YTHDC2: variants seen among roughly 807,000 people sequenced by gnomAD.
YTHDC2 encodes the protein YTH N6-methyladenosine RNA binding protein C2.
A neutral mutation model predicts 174.9 loss-of-function variants in YTHDC2; 45 were observed. The observed-to-expected ratio is 0.26, with a 90% CI of 0.20 to 0.33. The LOEUF (loss-of-function observed/expected upper bound fraction) is 0.33. YTHDC2 is among the 10% of genes least tolerant of loss of function. The probability of loss-of-function intolerance (pLI) is 1.00; values close to 1 mark genes in which losing one functional copy is unlikely to be tolerated. For missense variants in YTHDC2, 1,650 were observed against 1,723.7 expected, an observed-to-expected ratio of 0.96 and a Z score of 0.76; for synonymous variants, 657 against 574.5, an observed-to-expected ratio of 1.14 and a Z score of -2.05.
At chr5:113,553,035 A>C (rs1776353816) in intron 12 of YTHDC2, 146 bp from the exon 13 acceptor site, 1 of 822,420 alleles carries the variant, frequency 1.2e-6, no homozygotes. Flanking sequence ...AATGTGCTTG[A>C]AATCAAAACA....
chr5:113,589,409 A>AATATATC (rs1561713980), intron 26 of YTHDC2, among the ~76,000 whole-genome samples: 1 of 89,120 alleles, frequency 1.1e-5, no homozygotes, highest in Non-Finnish European at 2.3e-5. Context: ...AAAAAAAAAA[A>AATATATC]TATATATATA....
intron 8 of YTHDC2, among the ~76,000 whole-genome samples, chr5:113,540,534 G>T (rs574903320): frequency 6.6e-6 from 1 of 152,128 alleles, no homozygotes; most frequent in Non-Finnish European, 1.5e-5. Flanking sequence ...GAAGGCAAAG[G>T]GGAAGCAAGG....
chr5:113,549,702 G>C (rs141111467), intron 12 of YTHDC2, among the ~76,000 whole-genome samples: 331 of 152,104 alleles, frequency 2.2e-3, no homozygotes, highest in Non-Finnish European at 3.0e-3. Context: ...CCCACGCAAT[G>C]TCCATCCTCT....
At chr5:113,525,421 T>A (rs571326778) in intron 3 of YTHDC2, among the ~76,000 whole-genome samples, 1 of 152,204 alleles carries the variant, frequency 6.6e-6, no homozygotes, top group Non-Finnish European at 1.5e-5. Context: ...TTACTGAGCA[T>A]TAACTGTGTA....
chr5:113,558,001 A>G (rs1291765494), intron 17 of YTHDC2, among the ~76,000 whole-genome samples: 1 of 152,206 alleles, frequency 6.6e-6, no homozygotes, highest in East Asian at 1.9e-4. Context: ...CAGTAAATTA[A>G]GCAATTTTAA....
At chr5:113,563,761 A>C in intron 19 of YTHDC2, 98 bp from the exon 20 acceptor site, 5 of 1,393,504 alleles carry the variant, frequency 3.6e-6, no homozygotes, top group Non-Finnish European at 4.9e-6. Flanking sequence ...TAGCAAAAGA[A>C]AATCTATATT....
intron 23 of YTHDC2, among the ~76,000 whole-genome samples, chr5:113,568,792 G>A (rs1043181739): frequency 6.6e-6 from 1 of 152,110 alleles, no homozygotes; most frequent in African/African-American, 2.4e-5. Flanking sequence ...CATTTGGGTT[G>A]ATTCCATGTC....
chr5:113,553,113 T>C, intron 12 of YTHDC2, 68 bp from the exon 13 acceptor site: 2 of 1,361,352 alleles, frequency 1.5e-6, no homozygotes, highest in Non-Finnish European at 1.9e-6. Context: ...ATTGGAAATT[T>C]GAAGGACATA....
chr5:113,533,153 G>A lies in YTHDC2; in HGVS notation c.842+108G>A, dbSNP rs188972921. Reference sequence around the variant, plus strand: ...CGTTGAAAAGTTAGGTGATCATTTTGCTCCAAGTAAGTCTACATCAAGATA... The same window carrying A: ...CGTTGAAAAGTTAGGTGATCATTTTACTCCAAGTAAGTCTACATCAAGATA... On this transcript the variant is annotated intron_variant, in intron 5 of 29. Transcript: ENST00000161863. 4.0e-3 allele frequency: 5,178 copies of A among 1,283,914 alleles called. 19 individuals carry two copies. Among genetic ancestry groups the A allele is most frequent in the Non-Finnish European group, 5.1e-3 (4,789 of 933,298 alleles). 79.5% of individuals were successfully genotyped at this position (1,283,914 alleles called of 1,614,324 possible).
intron 6 of YTHDC2, among the ~76,000 whole-genome samples, chr5:113,535,079 A>C (rs1200936620): frequency 1.3e-5 from 2 of 152,152 alleles, no homozygotes; most frequent in African/African-American, 4.8e-5. Flanking sequence ...AATTTTTTGT[A>C]GTTTTATATT....
intron 18 of YTHDC2, 100 bp downstream of exon 18, chr5:113,561,285 A>C (rs1024281286): frequency 1.2e-6 from 1 of 840,208 alleles, no homozygotes; most frequent in Non-Finnish European, 1.8e-6. Flanking sequence ...TCAATTTGTA[A>C]AACAAAATTA....
intron 3 of YTHDC2, among the ~76,000 whole-genome samples, chr5:113,525,723 T>A (rs537254700): frequency 6.6e-6 from 1 of 152,248 alleles, no homozygotes; most frequent in East Asian, 1.9e-4. Context: ...AGTAGGTAGA[T>A]AATGTATTTG....
In YTHDC2 at chr5:113,539,082, A is replaced by G. The variant is rs1580523404; in HGVS notation, c.1111A>G (p.Arg371Gly). ...GSCPVIYIQG[R>G]PFEVKEMFLE... ...TTTTTTTTATTATTTAGTACAGGGA[A>G]GACCATTTGAAGTAAAAGAAATGTT... is the stretch of plus-strand genomic sequence containing the variant. The change falls in exon 8 of 30, where the codon AGA (arginine) becomes GGA (glycine). Residue 371 changes from arginine (R) to glycine (G), a missense_variant. Coordinates refer to ENST00000161863, the MANE Select transcript of YTHDC2 (RefSeq NM_022828.5). The G allele has an allele frequency of 1.4e-6, 2 of 1,402,880 alleles. No individual in the cohort carries two copies. Among genetic ancestry groups the G allele is most frequent in the Admixed American group, 2.6e-5 (1 of 38,790 alleles). The allele number at this position is 1,402,880 out of a possible 1,614,324, so 86.9% of individuals were successfully genotyped here. A position where few individuals can be genotyped will look rare whatever the true frequency, so the allele number is the denominator to read the frequency against.
At chr5:113,562,075 T>C (rs1158632554) in intron 18 of YTHDC2, among the ~76,000 whole-genome samples, 1 of 150,678 alleles carries the variant, frequency 6.6e-6, no homozygotes, top group Non-Finnish European at 1.5e-5. Context: ...GTTTATTTGA[T>C]TCTTTAGTGT....
intron 20 of YTHDC2, among the ~76,000 whole-genome samples, chr5:113,564,915 G>C (rs1335380112): frequency 6.6e-6 from 1 of 152,130 alleles, no homozygotes; most frequent in Non-Finnish European, 1.5e-5. Context: ...CCAGGTTCAA[G>C]CAGTTCTCCT....
At chr5:113,553,448 T>A in intron 13 of YTHDC2, 89 bp downstream of exon 13, 3 of 1,420,922 alleles carry the variant, frequency 2.1e-6, no homozygotes, top group Non-Finnish European at 2.8e-6. Flanking sequence ...ATAATTGCAC[T>A]GATAGTAGTA....
chr5:113,543,333 G>A (rs567373789), intron 10 of YTHDC2, among the ~76,000 whole-genome samples: 2 of 152,114 alleles, frequency 1.3e-5, no homozygotes, highest in Non-Finnish European at 2.9e-5. Flanking sequence ...CATTCACCTA[G>A]TTGCTAAGGC....
In YTHDC2 at chr5:113,563,389, C is replaced by A. The variant is rs1396944252; in HGVS notation, c.2339C>A (p.Thr780Asn). 1 of 1,610,166 alleles carries A rather than the reference C, an allele frequency of 6.2e-7. No homozygotes were observed. The highest frequency in any genetic ancestry group is 1.1e-5 in the South Asian group (1 of 90,220). ...RMPLQELCLH[T>N]KLLAPVNCPI... is the part of the protein sequence containing the mutation. ...GGTTTATAGGAACTTTGCTTACATA[C>A]CAAGCTGTTAGCCCCAGTTAATTGT... Residue 780 changes from threonine to asparagine, a missense_variant, in exon 19 of 30, where the codon ACC becomes AAC. Coordinates refer to ENST00000161863, the MANE Select transcript of YTHDC2 (RefSeq NM_022828.5).
chr5:113,519,328 T>G (rs145210836), intron 2 of YTHDC2, among the ~76,000 whole-genome samples: 138 of 152,306 alleles, frequency 9.1e-4, no homozygotes, highest in African/African-American at 3.0e-3. Flanking sequence ...TTTACTTTTT[T>G]TCCTCAACTT....
Sources: allele counts gnomAD v4.1 joint callset (sites outside exome capture counted in the v4.1 genomes callset), GRCh38; gene constraint gnomAD v4.1.1; transcripts MANE v1.5; gene names NCBI Gene and HGNC (gene_info 2026-07-23, HGNC 2026-07-21).